Variants in DACH1 observed in about 807,000 individuals in gnomAD.
DACH1 encodes the protein dachshund homolog 1.
DACH1 carries 12 observed loss-of-function variants against 54.2 expected under a neutral mutation model. The ratio of observed to expected loss-of-function variants is 0.22; its 90% CI spans 0.14 to 0.36. The LOEUF is 0.36. Ranked by LOEUF, DACH1 falls within the 10% of genes least tolerant of loss-of-function variation. The pLI is 1.00. For missense variants in DACH1, 805 were observed against 929.8 expected (o/e 0.87, Z 1.75); for synonymous variants, 386 against 366.2 (o/e 1.05, Z -0.62).
intron 10 of DACH1, among the ~76,000 whole-genome samples, chr13:71,471,265 T>C (rs1489735125): frequency 1.3e-5 from 2 of 151,466 alleles, no homozygotes; most frequent in Admixed American, 1.3e-4. Flanking sequence ...TTGGACTAGA[T>C]GGATTAGGGT....
At chr13:71,837,268 T>C (rs1204813874) in intron 1 of DACH1, among the ~76,000 whole-genome samples, 1 of 152,156 alleles carries the variant, frequency 6.6e-6, no homozygotes, top group African/African-American at 2.4e-5. Context: ...ATTTATTTCC[T>C]TGAAAGCTTT....
At chr13:71,571,143 T>A (rs542907899) in intron 4 of DACH1, among the ~76,000 whole-genome samples, 1 of 152,286 alleles carries the variant, frequency 6.6e-6, no homozygotes, top group Non-Finnish European at 1.5e-5. Context: ...AGATTTTAGT[T>A]ACCAGTTTTA....
At chr13:71,837,494 C>T (rs188149824) in intron 1 of DACH1, among the ~76,000 whole-genome samples, 167 of 152,104 alleles carry the variant, frequency 1.1e-3, no homozygotes, top group African/African-American at 3.4e-3. Flanking sequence ...TATTTATCAC[C>T]GCTTCTCCAC....
chr13:71,596,919 T>C (rs1297814044), intron 3 of DACH1, among the ~76,000 whole-genome samples: 2 of 152,302 alleles, frequency 1.3e-5, no homozygotes, highest in Middle Eastern at 3.4e-3. Flanking sequence ...ATAAAAGAAG[T>C]GTGCAACAAA....
At chr13:71,823,025 A>G (rs566202851) in intron 1 of DACH1, among the ~76,000 whole-genome samples, 1 of 152,260 alleles carries the variant, frequency 6.6e-6, no homozygotes, top group Admixed American at 6.5e-5. Context: ...AAAATAACAC[A>G]GCACCAACAC....
chr13:71,565,347 G>A (rs1441620312), intron 4 of DACH1, among the ~76,000 whole-genome samples: 2 of 152,082 alleles, frequency 1.3e-5, no homozygotes, highest in Non-Finnish European at 2.9e-5. Flanking sequence ...CACTTACTAT[G>A]TACCAGGCAG....
At chr13:71,589,785 A>C (rs374161262) in intron 3 of DACH1, among the ~76,000 whole-genome samples, 1 of 152,156 alleles carries the variant, frequency 6.6e-6, no homozygotes, top group African/African-American at 2.4e-5. Flanking sequence ...TACTGAAAAA[A>C]GAACAAAATT....
intron 6 of DACH1, among the ~76,000 whole-genome samples, chr13:71,510,720 C>A (rs1320393471): frequency 6.6e-6 from 1 of 151,844 alleles, no homozygotes; most frequent in African/African-American, 2.4e-5. Flanking sequence ...TCTATTTATT[C>A]ATTTGAAGTG....
chr13:71,748,194 G>A (rs1388024101), intron 1 of DACH1, among the ~76,000 whole-genome samples: 2 of 151,178 alleles, frequency 1.3e-5, no homozygotes, highest in African/African-American at 2.4e-5. Context: ...AAAGGAGCAA[G>A]CTCCAAACAA....
chr13:71,854,454 G>C (rs992462230), intron 1 of DACH1, among the ~76,000 whole-genome samples: 1 of 152,054 alleles, frequency 6.6e-6, no homozygotes, highest in Admixed American at 6.6e-5. Context: ...TCTACTTTTA[G>C]AGGATTGCCT....
intron 1 of DACH1, among the ~76,000 whole-genome samples, chr13:71,811,501 C>T (rs1213162986): frequency 6.6e-6 from 1 of 152,154 alleles, no homozygotes; most frequent in African/African-American, 2.4e-5. Flanking sequence ...GCTGCATCAC[C>T]TCTACAAACC....
intron 6 of DACH1, among the ~76,000 whole-genome samples, chr13:71,539,873 G>T (rs1255701606): frequency 1.3e-5 from 2 of 151,950 alleles, no homozygotes; most frequent in Non-Finnish European, 1.5e-5. Context: ...GGTCATGAAA[G>T]AACTGGTTGT....
chr13:71,489,963 C>T (rs939700055), intron 6 of DACH1, among the ~76,000 whole-genome samples: 1 of 152,112 alleles, frequency 6.6e-6, no homozygotes, highest in Non-Finnish European at 1.5e-5. Flanking sequence ...TCACCTCTCA[C>T]AGTGAAATCC....
chr13:71,635,413 A>C (rs1431872857), intron 2 of DACH1, among the ~76,000 whole-genome samples: 3 of 152,166 alleles, frequency 2.0e-5, no homozygotes, highest in Non-Finnish European at 4.4e-5. Context: ...TGTCTCTAAA[A>C]ACATAGCTTA....
At chr13:71,789,220 C>A (rs1313860688) in intron 1 of DACH1, among the ~76,000 whole-genome samples, 1 of 151,986 alleles carries the variant, frequency 6.6e-6, no homozygotes, top group Non-Finnish European at 1.5e-5. Flanking sequence ...GATCACAGTG[C>A]ATTTAATTTA....
chr13:71,762,036 T>C (rs1412424274), intron 1 of DACH1, among the ~76,000 whole-genome samples: 34 of 152,118 alleles, frequency 2.2e-4, no homozygotes, highest in Admixed American at 1.8e-3. Context: ...TATTAACTAA[T>C]TTTTTTCCTC....
rs191149452 is a variant in DACH1 at position 71,463,216 on chromosome 13, T to C, written c.2083+11925A>G. On this transcript the variant is annotated intron_variant, in intron 10 of 10. Coordinates refer to ENST00000613252, the MANE Select transcript of DACH1 (RefSeq NM_080759.6). ...TAGTAAAATAAAATCTGTATTGGCATTTATTGTGTAACTGATTTATTAATT... is the reference window on the plus strand; with the variant it reads ...TAGTAAAATAAAATCTGTATTGGCACTTATTGTGTAACTGATTTATTAATT... Among the ~76,000 whole-genome samples, 134 of 152,070 alleles carry C rather than the reference T, an allele frequency of 8.8e-4. 1 individual carries two copies. The highest frequency in any genetic ancestry group is 3.2e-3 in the African/African-American group (131 of 41,546).
rs1886211599 is a variant in DACH1, at chr13:71,779,166, CGTAT to C, written c.848+86752_848+86755del. Among the ~76,000 whole-genome samples the C allele has an allele frequency of 3.3e-4, 26 of 79,600 alleles. 1 individual carries two copies. In the South Asian group the frequency reaches 6.9e-3, roughly 21 times the overall value. The allele number at this position is 79,600 out of a possible 152,430, so 52.2% of individuals were successfully genotyped here. A position where few individuals can be genotyped will look rare whatever the true frequency, so the allele number is the denominator to read the frequency against. On this transcript the variant is annotated intron_variant, in intron 1 of 10. Transcript: ENST00000613252. ...ATATATACACATATATACGTATATA[CGTAT>C]ATATATACACATATATACGTATATA...
intron 1 of DACH1, among the ~76,000 whole-genome samples, chr13:71,784,451 G>A (rs1886509681): frequency 6.6e-6 from 1 of 152,020 alleles, no homozygotes; most frequent in African/African-American, 2.4e-5. Context: ...CTCTGAATTG[G>A]TATACAACAA....
Sources: gnomAD v4.1 joint callset for allele counts (sites outside exome capture counted in the v4.1 genomes callset) on GRCh38, gnomAD v4.1.1 for gene constraint, MANE v1.5 for transcripts, NCBI Gene and HGNC (gene_info 2026-07-23, HGNC 2026-07-21) for gene names.